Variants in BMP5 observed in about 807,000 individuals in gnomAD.
The protein encoded by BMP5 is bone morphogenetic protein 5.
BMP5 carries 23 observed loss-of-function variants against 46.6 expected under a neutral mutation model. The ratio of observed to expected loss-of-function variants is 0.49; its 90% CI spans 0.35 to 0.70. BMP5 has a LOEUF of 0.70. BMP5 is among the 30% of genes least tolerant of loss of function. The pLI, the probability that BMP5 is intolerant of heterozygous loss-of-function variation, is 0.00. For synonymous variants in BMP5, 204 were observed against 191.9 expected (o/e 1.06, Z -0.52); for missense variants, 545 against 565.6 (o/e 0.96, Z 0.37).
chr6:55,762,856 T>C (rs1358414956), intron 4 of BMP5, among the ~76,000 whole-genome samples: 4 of 152,120 alleles, frequency 2.6e-5, no homozygotes, highest in African/African-American at 9.6e-5. Context: ...CTAAGTGGTC[T>C]CCTTGCAACT....
intron 1 of BMP5, among the ~76,000 whole-genome samples, chr6:55,850,519 C>T (rs1777213251): frequency 6.6e-6 from 1 of 152,066 alleles, no homozygotes; most frequent in Admixed American, 6.6e-5. Flanking sequence ...TATATTCACA[C>T]CACTGCTCAA....
chr6:55,840,110 G>A (rs10948957), intron 1 of BMP5, among the ~76,000 whole-genome samples: 15,149 of 151,898 alleles, frequency 0.1, 865 homozygotes, highest in East Asian at 0.14. Context: ...TCTTAAACAC[G>A]TTTTGTTAAA....
chr6:55,801,761 G>A (rs1186515189), intron 2 of BMP5, among the ~76,000 whole-genome samples: 1 of 152,208 alleles, frequency 6.6e-6, no homozygotes, highest in African/African-American at 2.4e-5. Flanking sequence ...CTCTGGATAT[G>A]AATCTGTCTT....
At chr6:55,803,039 C>T (rs999206107) in intron 2 of BMP5, among the ~76,000 whole-genome samples, 3 of 151,376 alleles carry the variant, frequency 2.0e-5, no homozygotes, top group Non-Finnish European at 4.4e-5. Context: ...GTAATCCCAG[C>T]ACTTGGGAGG....
intron 1 of BMP5, among the ~76,000 whole-genome samples, chr6:55,830,385 T>G (rs919477743): frequency 6.6e-6 from 1 of 152,042 alleles, no homozygotes; most frequent in African/African-American, 2.4e-5. Context: ...TTGACATGGT[T>G]TCACACTCTT....
intron 2 of BMP5, among the ~76,000 whole-genome samples, chr6:55,816,478 A>G (rs75817792): frequency 0.019 from 2,921 of 152,244 alleles, 92 homozygotes; most frequent in African/African-American, 0.066. Context: ...AACATATTAT[A>G]GTATTCACTA....
intron 1 of BMP5, among the ~76,000 whole-genome samples, chr6:55,834,902 G>A (rs114764378): frequency 0.018 from 2,722 of 152,124 alleles, 89 homozygotes; most frequent in African/African-American, 0.061. Context: ...CTAACATGGC[G>A]AATCCATGTC....
chr6:55,796,829 T>C (rs565946895), intron 2 of BMP5, among the ~76,000 whole-genome samples: 1 of 152,280 alleles, frequency 6.6e-6, no homozygotes, highest in Admixed American at 6.5e-5. Flanking sequence ...ATGGCCTAAA[T>C]ATCTGAATTT....
intron 3 of BMP5, among the ~76,000 whole-genome samples, chr6:55,791,209 G>A (rs1409752052): frequency 6.6e-6 from 1 of 152,138 alleles, no homozygotes; most frequent in Non-Finnish European, 1.5e-5. Flanking sequence ...GAAGCATCTG[G>A]TTATTCATAT....
intron 1 of BMP5, among the ~76,000 whole-genome samples, chr6:55,843,097 G>T (rs564656174): frequency 3.4e-4 from 52 of 151,948 alleles, no homozygotes; most frequent in African/African-American, 1.2e-3. Context: ...ATAAAATAAA[G>T]CATTAAGATT....
Position 55,755,366 on chromosome 6 carries a change from C to T in BMP5, c.*167G>A, listed in dbSNP as rs138496166. On this transcript the variant is annotated 3_prime_UTR_variant, in exon 7 of 7. Transcript: ENST00000370830. ...AAGCCTCCACAGAAGAGAATATATACGTTTAAATAAATAAAAATGACTATA... is the reference window on the plus strand; with the variant it reads ...AAGCCTCCACAGAAGAGAATATATATGTTTAAATAAATAAAAATGACTATA... 3.8e-4 allele frequency: 241 copies of T among 633,450 alleles called. No individual in the cohort carries two copies. The highest frequency in any genetic ancestry group is 3.5e-3 in the African/African-American group (188 of 53,808). 39.2% of individuals were successfully genotyped at this position (633,450 alleles called of 1,614,324 possible).
At chr6:55,779,318 T>C (rs1454617664) in intron 3 of BMP5, among the ~76,000 whole-genome samples, 1 of 152,058 alleles carries the variant, frequency 6.6e-6, no homozygotes, top group East Asian at 1.9e-4. Context: ...CCAAAACACC[T>C]GTGATGGAAC....
At chr6:55,775,188 G>A (rs1775146692) in intron 3 of BMP5, among the ~76,000 whole-genome samples, 1 of 151,860 alleles carries the variant, frequency 6.6e-6, no homozygotes. Context: ...AGATAAAGTT[G>A]ATAAAGTACC....
chr6:55,772,729 A>G, intron 4 of BMP5: 1 of 984,362 alleles, frequency 1.0e-6, no homozygotes, highest in Non-Finnish European at 1.2e-6. Flanking sequence ...CTTTGTTGGA[A>G]AATTATTTTA....
intron 1 of BMP5, among the ~76,000 whole-genome samples, chr6:55,827,456 C>A (rs1443155600): frequency 6.6e-6 from 1 of 151,568 alleles, no homozygotes; most frequent in East Asian, 1.9e-4. Context: ...ATTTACTTGA[C>A]ATCTTGTTTA....
chr6:55,785,484 C>A (rs12198496), intron 3 of BMP5, among the ~76,000 whole-genome samples: 2,281 of 151,814 alleles, frequency 0.015, 24 homozygotes, highest in Middle Eastern at 0.024. Flanking sequence ...GATTTATGTT[C>A]TCCGATGTGC....
At position 55,782,706 on chromosome 6, in the gene BMP5, G is replaced by T. The variant is rs754508583; in HGVS notation, c.833-8463C>A. 2.6e-5 allele frequency among the ~76,000 whole-genome samples: 4 copies of T among 152,158 alleles called. No individual in the cohort carries two copies. The South Asian group carries it at 8.3e-4, about 32-fold the overall frequency. ...CTGGTACCTGAGAGTAATAAGAAGC[G>T]TGTCTGAAAGGATCAGGGACATTGG... On this transcript the variant is annotated intron_variant, in intron 3 of 6. Transcript: ENST00000370830.
At chr6:55,809,888 C>T (rs758349967) in intron 2 of BMP5, among the ~76,000 whole-genome samples, 1 of 152,098 alleles carries the variant, frequency 6.6e-6, no homozygotes, top group African/African-American at 2.4e-5. Context: ...CTCCACTTTT[C>T]CCAAAGCTTC....
In BMP5 at chr6:55,784,128, T is replaced by C. The variant is rs148105875; in HGVS notation, c.833-9885A>G. On this transcript the variant is annotated intron_variant, in intron 3 of 6. Transcript: ENST00000370830. ...CTAAGACTTCCGAATTAAGTTATTGTGATCTGCCAGTGTAAGATGTTCTTA... is the reference window on the plus strand; with the variant it reads ...CTAAGACTTCCGAATTAAGTTATTGCGATCTGCCAGTGTAAGATGTTCTTA... Among the ~76,000 whole-genome samples, 336 of 152,058 alleles carry C rather than the reference T, an allele frequency of 2.2e-3. 1 individual carries two copies. The highest frequency in any genetic ancestry group is 3.6e-3 in the Non-Finnish European group (247 of 67,844).
Sources: gnomAD v4.1 joint callset for allele counts (sites outside exome capture counted in the v4.1 genomes callset) on GRCh38, gnomAD v4.1.1 for gene constraint, MANE v1.5 for transcripts, NCBI Gene and HGNC (gene_info 2026-07-23, HGNC 2026-07-21) for gene names.